Variants in ROBO1 observed in about 807,000 individuals in gnomAD.
ROBO1 encodes the protein roundabout guidance receptor 1.
In ROBO1, 149 loss-of-function variants were observed where a neutral mutation model predicts 195.9. That is an observed-to-expected ratio of 0.76 (90% confidence interval 0.67 to 0.87). The LOEUF (loss-of-function observed/expected upper bound fraction) is 0.87, where lower values mean the gene tolerates loss of function less well. Among genes scored for constraint, ROBO1 ranks in the 40% least tolerant of loss-of-function variants. The pLI is 0.00. For synonymous variants in ROBO1, 816 were observed against 733.2 expected, an observed-to-expected ratio of 1.11 and a Z score of -1.82; for missense variants, 1,933 against 2,068.3, an observed-to-expected ratio of 0.93 and a Z score of 1.27.
intron 1 of ROBO1, among the ~76,000 whole-genome samples, chr3:79,684,786 C>T (rs1167289093): frequency 3.3e-5 from 5 of 152,036 alleles, no homozygotes; most frequent in African/African-American, 9.7e-5. Context: ...AGCAATTCTC[C>T]TGCCTCAGCC....
intron 3 of ROBO1, among the ~76,000 whole-genome samples, chr3:78,950,697 A>C (rs950496368): frequency 4.0e-5 from 6 of 151,716 alleles, no homozygotes; most frequent in South Asian, 2.1e-4. Context: ...AATTAAAAAA[A>C]AAAACAAAAC....
At chr3:79,102,798 T>G (rs1265268630) in intron 3 of ROBO1, among the ~76,000 whole-genome samples, 1 of 151,838 alleles carries the variant, frequency 6.6e-6, no homozygotes, top group Non-Finnish European at 1.5e-5. Flanking sequence ...CTTTTTTGCT[T>G]TTAATAAATT....
At chr3:78,888,289 T>C (rs1208645478) in intron 4 of ROBO1, among the ~76,000 whole-genome samples, 1 of 152,206 alleles carries the variant, frequency 6.6e-6, no homozygotes, top group Non-Finnish European at 1.5e-5. Flanking sequence ...GGAGTTCTAA[T>C]GTAAACCATT....
At chr3:79,349,447 T>G (rs1243666736) in intron 2 of ROBO1, among the ~76,000 whole-genome samples, 1 of 152,162 alleles carries the variant, frequency 6.6e-6, no homozygotes, top group East Asian at 1.9e-4. Flanking sequence ...TTTAAGAAAT[T>G]GATGAGCTAA....
chr3:79,597,995 A>G, intron 1 of ROBO1, among the ~76,000 whole-genome samples: 1 of 152,044 alleles, frequency 6.6e-6, no homozygotes, highest in East Asian at 1.9e-4. Flanking sequence ...CTTATTTCCA[A>G]TTAAGCTTCT....
intron 2 of ROBO1, among the ~76,000 whole-genome samples, chr3:79,328,520 A>G (rs775973492): frequency 9.9e-5 from 15 of 152,196 alleles, no homozygotes; most frequent in Non-Finnish European, 2.1e-4. Context: ...TCGAGGCAGA[A>G]TATTAAATAA....
intron 2 of ROBO1, among the ~76,000 whole-genome samples, chr3:79,198,360 T>C (rs1421753878): frequency 6.6e-6 from 1 of 152,096 alleles, no homozygotes; most frequent in African/African-American, 2.4e-5. Flanking sequence ...AAGTGTGGTG[T>C]TATTTCTGAG....
At chr3:79,048,776 C>A (rs1015661791) in intron 3 of ROBO1, among the ~76,000 whole-genome samples, 3 of 152,196 alleles carry the variant, frequency 2.0e-5, no homozygotes, top group African/African-American at 4.8e-5. Flanking sequence ...GGACCTCCAG[C>A]AAACTACAAC....
At chr3:78,779,944 T>C (rs558627638) in intron 4 of ROBO1, among the ~76,000 whole-genome samples, 24 of 152,336 alleles carry the variant, frequency 1.6e-4, no homozygotes, top group African/African-American at 5.5e-4. Flanking sequence ...AATGAGTTCA[T>C]GTCCTTTGCA....
chr3:78,675,921 C>G (rs1382817620), intron 10 of ROBO1, among the ~76,000 whole-genome samples: 1 of 152,076 alleles, frequency 6.6e-6, no homozygotes, highest in Non-Finnish European at 1.5e-5. Flanking sequence ...CTGGGAGGCA[C>G]CCCCAAGTAG....
At chr3:79,459,635 T>G (rs1408072385) in intron 2 of ROBO1, among the ~76,000 whole-genome samples, 3 of 152,020 alleles carry the variant, frequency 2.0e-5, no homozygotes, top group Non-Finnish European at 4.4e-5. Flanking sequence ...TGAATAGAAG[T>G]CTATATTCAG....
In ROBO1 at chr3:79,729,683, T is replaced by C. The variant is rs571565253; in HGVS notation, c.-51+38069A>G. 2.6e-5 allele frequency among the ~76,000 whole-genome samples: 4 copies of C among 152,310 alleles called. No homozygotes were observed. In the South Asian group the frequency reaches 8.3e-4, roughly 32 times the overall value. On this transcript the variant is annotated intron_variant, in intron 1 of 30. Transcript: ENST00000464233. ...TTGCTTTGCATCATTGTTGAAACTA[T>C]GTCAAGTTTTATTATATGAGGGAAG...
intron 1 of ROBO1, among the ~76,000 whole-genome samples, chr3:79,720,350 T>C (rs1260298770): frequency 1.3e-5 from 2 of 152,162 alleles, no homozygotes; most frequent in African/African-American, 4.8e-5. Flanking sequence ...ACTAGTAGCC[T>C]TTTGCCAACA....
At chr3:78,991,793 C>G (rs1377625043) in intron 3 of ROBO1, among the ~76,000 whole-genome samples, 1 of 151,970 alleles carries the variant, frequency 6.6e-6, no homozygotes, top group African/African-American at 2.4e-5. Flanking sequence ...CGAGAAAAAG[C>G]AGCAGGATGA....
chr3:78,893,398 G>A (rs2037024496), intron 4 of ROBO1, among the ~76,000 whole-genome samples: 1 of 152,068 alleles, frequency 6.6e-6, no homozygotes, highest in Admixed American at 6.6e-5. Context: ...GTGCCGTCTT[G>A]GAAACCCAGA....
At chr3:79,464,872 CAT>C (rs1937871555) in intron 2 of ROBO1, among the ~76,000 whole-genome samples, 1 of 152,204 alleles carries the variant, frequency 6.6e-6, no homozygotes, top group Non-Finnish European at 1.5e-5. Flanking sequence ...GTACTCTACA[CAT>C]GACTCCAATC....
chr3:79,649,460 T>A (rs1945935290), intron 1 of ROBO1, among the ~76,000 whole-genome samples: 2 of 152,056 alleles, frequency 1.3e-5, no homozygotes, highest in Non-Finnish European at 2.9e-5. Context: ...TGAATTAAAA[T>A]TCTAAAAATT....
chr3:78,848,253 T>C (rs1277202232), intron 4 of ROBO1, among the ~76,000 whole-genome samples: 3 of 152,168 alleles, frequency 2.0e-5, no homozygotes, highest in Non-Finnish European at 4.4e-5. Flanking sequence ...AAAAGCTACA[T>C]CACAACTTCC....
chr3:79,588,441 G>T (rs1486207966), intron 2 of ROBO1, among the ~76,000 whole-genome samples: 3 of 151,574 alleles, frequency 2.0e-5, no homozygotes, highest in Non-Finnish European at 3.0e-5. Context: ...GACTAAATTT[G>T]TTGACCTGTA....
Sources: allele counts gnomAD v4.1 joint callset (sites outside exome capture counted in the v4.1 genomes callset), GRCh38; gene constraint gnomAD v4.1.1; transcripts MANE v1.5; gene names NCBI Gene and HGNC (gene_info 2026-07-23, HGNC 2026-07-21).